The following GPHN variants were observed in gnomAD, a reference collection of about 807,000 sequenced individuals.
GPHN encodes gephyrin.
In GPHN, 17 loss-of-function variants were observed where a neutral mutation model predicts 95.5. The ratio of observed to expected loss-of-function variants is 0.18; its 90% CI spans 0.12 to 0.27. The LOEUF is 0.27. Ranked by LOEUF, GPHN falls within the 10% of genes least tolerant of loss-of-function variation. GPHN has a pLI of 1.00. For missense variants in GPHN, 660 were observed against 978.1 expected, an observed-to-expected ratio of 0.67 and a Z score of 4.34; for synonymous variants, 320 against 322.5, an observed-to-expected ratio of 0.99 and a Z score of 0.08.
chr14:67,137,946 C>A (rs2080198043), intron 17 of GPHN, among the ~76,000 whole-genome samples: 1 of 152,086 alleles, frequency 6.6e-6, no homozygotes. Flanking sequence ...TCTGCTTAAT[C>A]CAATAGCCCC....
At chr14:66,863,902 G>T (rs2063129947) in intron 4 of GPHN, among the ~76,000 whole-genome samples, 1 of 152,110 alleles carries the variant, frequency 6.6e-6, no homozygotes, top group Non-Finnish European at 1.5e-5. Context: ...CTGGATATTG[G>T]TCTGTGCAAA....
chr14:66,581,834 A>ACAATTGTAAATATATACAATT (rs2061188588), intron 1 of GPHN, among the ~76,000 whole-genome samples: 1 of 152,054 alleles, frequency 6.6e-6, no homozygotes, highest in South Asian at 2.1e-4. Flanking sequence ...CAATTTATGA[A>ACAATTGTAAATATATACAATT]GAAGATATAA....
At chr14:67,658,092 A>G in the GPHN span, among the ~76,000 whole-genome samples, 1 of 152,170 alleles carries the variant, frequency 6.6e-6, no homozygotes, top group South Asian at 2.1e-4. Flanking sequence ...AGACCAGTAG[A>G]CGAGGAAACC....
At chr14:67,089,105 C>T in intron 12 of GPHN, 30 bp downstream of exon 12, 1 of 724,922 alleles carries the variant, frequency 1.4e-6, no homozygotes, top group Non-Finnish European at 2.5e-6. Flanking sequence ...TAAACATAAT[C>T]AGGCACTGTA....
the GPHN span, among the ~76,000 whole-genome samples, chr14:67,657,565 A>G: frequency 6.6e-6 from 1 of 151,810 alleles, no homozygotes; most frequent in Non-Finnish European, 1.5e-5. Context: ...AGGCAGCTCC[A>G]AGTTCTTAGC....
At chr14:67,345,970 A>G in the GPHN span, 9 of 753,066 alleles carry the variant, frequency 1.2e-5, no homozygotes, top group Non-Finnish European at 2.0e-5. Context: ...CAAATATGGA[A>G]AGATGAATTC....
At chr14:67,642,805 T>TC in the GPHN span, among the ~76,000 whole-genome samples, 1 of 128,970 alleles carries the variant, frequency 7.8e-6, no homozygotes, top group Non-Finnish European at 1.6e-5. Context: ...TTTTTTTTTT[T>TC]TTTTTTTTTT....
chr14:67,123,373 G>A (rs145744926), intron 17 of GPHN, among the ~76,000 whole-genome samples: 70 of 152,318 alleles, frequency 4.6e-4, no homozygotes, highest in South Asian at 3.9e-3. Flanking sequence ...ACTGGACATA[G>A]TCTAACCTAA....
In GPHN at chr14:67,010,272, C is replaced by T. The variant is rs111868787; in HGVS notation, c.964-13361C>T. On this transcript the variant is annotated intron_variant, in intron 9 of 22. Transcript: ENST00000478722. ...AATATAGAGTAAATCAAGAATAGGC[C>T]GGGCGCGGTGGCTCACGCCTGTAAT... Among the ~76,000 whole-genome samples the T allele has an allele frequency of 8.3e-3, 1,261 of 151,186 alleles. 8 individuals carry two copies. Among genetic ancestry groups the T allele is most frequent in the Non-Finnish European group, 0.012 (832 of 67,732 alleles).
At chr14:67,231,601 G>A in the GPHN span, among the ~76,000 whole-genome samples, 33 of 152,054 alleles carry the variant, frequency 2.2e-4, no homozygotes, top group African/African-American at 6.3e-4. Context: ...TCCTGATTGC[G>A]GTGGTGGTTA....
chr14:66,863,152 C>A (rs1257328974), intron 4 of GPHN, among the ~76,000 whole-genome samples: 1 of 147,988 alleles, frequency 6.8e-6, no homozygotes, highest in Non-Finnish European at 1.5e-5. Context: ...AATCAACATA[C>A]AAAAATCAGT....
intron 1 of GPHN, among the ~76,000 whole-genome samples, chr14:66,632,641 C>T (rs568924525): frequency 7.1e-4 from 107 of 151,746 alleles, no homozygotes; most frequent in South Asian, 5.2e-3. Context: ...TGCAGGTCTG[C>T]GCCACCACAC....
the GPHN span, among the ~76,000 whole-genome samples, chr14:67,531,408 C>T: frequency 1.3e-5 from 2 of 152,042 alleles, no homozygotes; most frequent in Non-Finnish European, 2.9e-5. Context: ...CCTCTACCAC[C>T]CTCCCACAGA....
chr14:67,152,374 A>T (rs143902561), intron 18 of GPHN, among the ~76,000 whole-genome samples: 2 of 152,174 alleles, frequency 1.3e-5, no homozygotes, highest in African/African-American at 2.4e-5. Context: ...ATGTTATATG[A>T]TATTTAAAAA....
chr14:66,900,161 A>T (rs898447762), intron 5 of GPHN, among the ~76,000 whole-genome samples: 21 of 151,658 alleles, frequency 1.4e-4, no homozygotes, highest in African/African-American at 4.6e-4. Context: ...TGCTTAAGAT[A>T]TTTCCATTTT....
chr14:66,871,462 A>G (rs769826351), intron 4 of GPHN, among the ~76,000 whole-genome samples: 2 of 152,234 alleles, frequency 1.3e-5, no homozygotes, highest in African/African-American at 2.4e-5. Flanking sequence ...GTTAACAGTG[A>G]CATCCCCTTG....
chr14:67,125,208 ATGCAGAGGTGGAATGTGGGAGG>A (rs2079227160), intron 17 of GPHN, among the ~76,000 whole-genome samples: 1 of 152,046 alleles, frequency 6.6e-6, no homozygotes, highest in South Asian at 2.1e-4. Context: ...ATGGTGTAGA[ATGCAGAGGTGGAATGTGGGAGG>A]AAAGAATTTA....
chr14:66,713,824 A>G (rs12588121), intron 2 of GPHN, among the ~76,000 whole-genome samples: 36,889 of 151,802 alleles, frequency 0.24, 8,856 homozygotes, highest in African/African-American at 0.59. Flanking sequence ...ACTGGAGTGC[A>G]GTGACGTGAT....
intron 1 of GPHN, among the ~76,000 whole-genome samples, chr14:66,610,941 G>A (rs1050574125): frequency 2.6e-5 from 4 of 152,114 alleles, no homozygotes; most frequent in Non-Finnish European, 4.4e-5. Flanking sequence ...AATGCAATTA[G>A]ATATCCAGGG....
Sources: allele counts gnomAD v4.1 joint callset (sites outside exome capture counted in the v4.1 genomes callset), GRCh38; gene constraint gnomAD v4.1.1; transcripts MANE v1.5; gene names NCBI Gene and HGNC (gene_info 2026-07-23, HGNC 2026-07-21).